The following HCFC1 variants were observed in gnomAD, a reference collection of about 807,000 sequenced individuals.
The protein encoded by HCFC1 is host cell factor C1.
Under a neutral mutation model 105.5 loss-of-function variants are expected in HCFC1, and 7 were observed. The observed-to-expected ratio is 0.07, with a 90% CI of 0.04 to 0.12. The LOEUF (loss-of-function observed/expected upper bound fraction) is 0.12. Among genes scored for constraint, HCFC1 ranks in the 10% least tolerant of loss-of-function variants. HCFC1 has a pLI of 1.00. For missense variants in HCFC1, 1,065 were observed against 1,823.6 expected (o/e 0.58, Z 7.58); for synonymous variants, 918 against 828.1 (o/e 1.11, Z -1.86).
At position 153,954,496 on chromosome X, in the gene HCFC1, G is replaced by A. The variant is rs375212345; in HGVS notation, c.3903C>T (p.Thr1301=). The A allele has an allele frequency of 2.9e-4, 355 of 1,210,474 alleles. 1 individual carries two copies. Among genetic ancestry groups the A allele is most frequent in the Middle Eastern group, 2.3e-3 (10 of 4,375 alleles). The change falls in exon 17 of 26, where the codon ACC becomes ACT. Residue 1301 remains threonine, a synonymous_variant. Transcript: ENST00000310441. ...CATTCGAGGTAGTGGCGGTGTTGGT[G>A]GTGCCTGTCTCGTGGGTCTCACATG... The part of the protein sequence containing the change: ...NPPCETHETG[T]TNTATTSNAG...
At position 153,954,957 on chromosome X, in the gene HCFC1, G is replaced by A. The variant is rs1557114213; in HGVS notation, c.3442C>T (p.Arg1148Trp). 3 of 1,201,260 alleles carry A rather than the reference G, an allele frequency of 2.5e-6. No individual in the cohort carries two copies. Among genetic ancestry groups the A allele is most frequent in the Non-Finnish European group, 3.4e-6 (3 of 891,676 alleles). ...ACAAGTPAVIRISVATGALEA... is the reference protein window; with the variant it reads ...ACAAGTPAVIWISVATGALEA... ...AGCGCCCCAGTGGCCACACTGATCC[G>A]GATCACGGCAGGGGTGCCAGCTGCA... is the stretch of plus-strand genomic sequence containing the variant. The change falls in exon 17 of 26, where the codon CGG becomes TGG. Residue 1148 changes from arginine to tryptophan, a missense_variant. Around this residue, in one of 17 missense-constraint regions of HCFC1, gnomAD observed 546 missense variants for 599.9 expected, o/e 0.91. Transcript: ENST00000310441.
chrX:153,951,333 C>T lies in HCFC1; in HGVS notation c.5517+17G>A. 2 of 1,210,106 alleles carry T rather than the reference C, an allele frequency of 1.7e-6. No homozygotes were observed. Among genetic ancestry groups the T allele is most frequent in the Non-Finnish European group, 1.1e-6 (1 of 894,333 alleles). ...AGACCCACCCACCTGAGGACATCAG[C>T]ACCTGGGGACACTTACGTCTGATGG... On this transcript the variant is annotated intron_variant, in intron 22 of 25. Transcript: ENST00000310441.
rs868948937 is a variant in HCFC1, at chrX:153,959,891, G to A, written c.1355C>T (p.Ala452Val). ...QVGITLLPQA[A>V]PAPPTTTTIQ... ...GGTGGTGGTGGTCGGGGGTGCGGGG[G>A]CAGCCTGGGGCAGGAGCGTGATGCC... Residue 452 changes from alanine (A) to valine (V), a missense_variant, in exon 8 of 26, where the codon GCC becomes GTC. Physicochemically the swap from Ala to Val is moderately conservative, Grantham distance 64. Around this residue, in one of 17 missense-constraint regions of HCFC1, gnomAD observed 101 missense variants for 155.1 expected, o/e 0.65. Transcript: ENST00000310441. 2 of 1,200,506 alleles carry A rather than the reference G, an allele frequency of 1.7e-6. No homozygotes were observed. The highest frequency in any genetic ancestry group is 1.7e-5 in the African/African-American group (1 of 57,631).
At position 153,949,283 on chromosome X, in the gene HCFC1, CCCTGGCGGGT is replaced by C; in HGVS notation, c.*54_*63del. 1.0e-6 allele frequency: 1 copy of C among 985,196 alleles called. No homozygotes were observed. The allele number at this position is 985,196 out of a possible 1,213,427, so 81.2% of individuals were successfully genotyped here. A position where few individuals can be genotyped will look rare whatever the true frequency, so the allele number is the denominator to read the frequency against. ...GCTGGGACGGGGTGGGAGGGGTGGG[CCCTGGCGGGT>C]GTTCCTGAAGCAGGGGGGTCTGGAG... On this transcript the variant is annotated 3_prime_UTR_variant, in exon 26 of 26. Coordinates refer to ENST00000310441, the MANE Select transcript of HCFC1 (RefSeq NM_005334.3).
rs1557114063 is a variant in HCFC1 at position 153,954,762 on chromosome X, G to A, written c.3637C>T (p.Pro1213Ser). Residue 1213 changes from proline (P) to serine (S), a missense_variant, in exon 17 of 26, where the codon CCT (proline) becomes TCT (serine). Pro to Ser is a moderately conservative substitution (Grantham distance 74). This residue lies in a region of HCFC1 where 546 missense variants were observed against 599.9 expected (regional missense o/e 0.91). Coordinates refer to ENST00000310441, the MANE Select transcript of HCFC1 (RefSeq NM_005334.3). ...GRSPAFVQLA[P>S]LSSKVRLSSP... ...CTCAGCCTGACTTTGCTGCTCAGAG[G>A]GGCCAACTGCACAAAAGCAGGGCTG... The A allele has an allele frequency of 8.5e-7, 1 of 1,172,350 alleles. No homozygotes were observed. Among genetic ancestry groups the A allele is most frequent in the African/African-American group, 1.8e-5 (1 of 56,798 alleles).
chrX:153,962,324 G>A lies in HCFC1; in HGVS notation c.713-18C>T, dbSNP rs374291774. 1.6e-5 allele frequency: 18 copies of A among 1,149,629 alleles called. No individual in the cohort carries two copies. Among genetic ancestry groups the A allele is most frequent in the South Asian group, 3.7e-5 (2 of 54,658 alleles). 94.7% of individuals were successfully genotyped at this position (1,149,629 alleles called of 1,213,427 possible). On this transcript the variant is annotated intron_variant, in intron 4 of 25. Coordinates refer to ENST00000310441, the MANE Select transcript of HCFC1 (RefSeq NM_005334.3). ...CAGGGTGTCTGCAGAGAGACGGAGG[G>A]GAAAGGGTTACACAAGGTAGACTGC...
intron 22 of HCFC1, 122 bp downstream of exon 22, chrX:153,951,228 T>A (rs1017871186): frequency 1.2e-6 from 1 of 824,725 alleles, no homozygotes; most frequent in Non-Finnish European, 1.8e-6. Flanking sequence ...TCTGCCCACC[T>A]TCCTCAGGCT....
intron 1 of HCFC1, among the ~76,000 whole-genome samples, chrX:153,965,187 G>A (rs1337065458): frequency 9.0e-6 from 1 of 111,026 alleles, no homozygotes; most frequent in African/African-American, 3.3e-5. Context: ...TGCAGGCTAC[G>A]AAGAGCCATG....
chrX:153,951,768 G>A (rs2065314551), intron 20 of HCFC1, 61 bp from the exon 21 acceptor site: 6 of 1,174,610 alleles, frequency 5.1e-6, no homozygotes, highest in Admixed American at 2.4e-5. Context: ...AAGTGAGACC[G>A]AGCCTCCCGT....
intron 1 of HCFC1, among the ~76,000 whole-genome samples, 163 bp from the exon 2 acceptor site, chrX:153,964,889 C>T (rs2065460849): frequency 8.9e-6 from 1 of 112,144 alleles, no homozygotes; most frequent in African/African-American, 3.2e-5. Context: ...TCTTCCAAAC[C>T]CCTCGACTTC....
At chrX:153,967,440 A>G in intron 1 of HCFC1, among the ~76,000 whole-genome samples, 1 of 112,161 alleles carries the variant, frequency 8.9e-6, no homozygotes, top group South Asian at 3.7e-4. Flanking sequence ...CACCACCTAG[A>G]GACTGGTGCC....
intron 17 of HCFC1, 37 bp from the exon 18 acceptor site, chrX:153,953,807 G>A (rs2065340477): frequency 4.3e-6 from 5 of 1,154,035 alleles, no homozygotes; most frequent in African/African-American, 1.8e-5. Context: ...CTCAGCAGGA[G>A]CCCCCCCGGC....
At chrX:153,966,747 G>T (rs2065477296) in intron 1 of HCFC1, among the ~76,000 whole-genome samples, 1 of 112,440 alleles carries the variant, frequency 8.9e-6, no homozygotes, top group Non-Finnish European at 1.9e-5. Context: ...TGAAGCAACC[G>T]ATCTGTGCCT....
rs1064793145 is a variant in HCFC1, at chrX:153,950,250, C to A, written c.5997G>T (p.Trp1999Cys). Residue 1999 changes from tryptophan (W) to cysteine (C), a missense_variant, in exon 24 of 26, where the codon TGG (tryptophan) becomes TGT (cysteine). Transcript: ENST00000310441. ...KGYGPATQVRWLQETSKDSSG... is the reference protein window; with the variant it reads ...KGYGPATQVRCLQETSKDSSG... ...TCCACGAAGGACACTCACCCTGCAG[C>A]CACCTCACTTGTGTGGCCGGGCCAT... The A allele has an allele frequency of 8.5e-7, 1 of 1,173,700 alleles. No homozygotes were observed. The highest frequency in any genetic ancestry group is 1.1e-6 in the Non-Finnish European group (1 of 873,941).
intron 4 of HCFC1, 136 bp from the exon 5 acceptor site, chrX:153,962,442 C>T: frequency 2.1e-6 from 1 of 474,745 alleles, no homozygotes; most frequent in South Asian, 3.1e-5. Flanking sequence ...TAGCCTACGG[C>T]AGGCCCTCTG....
In HCFC1 at chrX:153,953,814, C is replaced by A. The variant is rs782027006; in HGVS notation, c.4334-44G>T. ...GGCGGCTGCTCAGCAGGAGCCCCCC[C>A]GGCCTGTACTTGGCTTGACCACCAC... On this transcript the variant is annotated intron_variant, in intron 17 of 25. Transcript: ENST00000310441. 1.0e-4 allele frequency: 120 copies of A among 1,151,183 alleles called. No homozygotes were observed. In the South Asian group the frequency reaches 1.5e-3, roughly 14 times the overall value. 94.9% of individuals were successfully genotyped at this position (1,151,183 alleles called of 1,213,427 possible).
At position 153,954,559 on chromosome X, in the gene HCFC1, G is replaced by A; in HGVS notation, c.3840C>T (p.Cys1280=). The A allele has an allele frequency of 8.3e-7, 1 of 1,211,453 alleles. No individual in the cohort carries two copies. The highest frequency in any genetic ancestry group is 1.1e-6 in the Non-Finnish European group (1 of 895,227). Residue 1280 remains cysteine, a synonymous_variant, in exon 17 of 26, where the codon TGC becomes TGT. Coordinates refer to ENST00000310441, the MANE Select transcript of HCFC1 (RefSeq NM_005334.3). ...VTVTALEALL[C]PSATVTQVCS... is the part of the protein sequence containing the mutation. ...AGACTTGGGTCACGGTGGCCGAGGG[G>A]CACAGCAGTGCCTCCAGGGCTGTCA...
rs1569546745 is a variant in HCFC1, at chrX:153,954,862, A to T, written c.3537T>A (p.Thr1179=). 3 of 1,154,556 alleles carry T rather than the reference A, an allele frequency of 2.6e-6. No homozygotes were observed. In the East Asian group the frequency reaches 9.6e-5, roughly 37 times the overall value. Residue 1179 remains threonine, a synonymous_variant, in exon 17 of 26, where the codon ACT becomes ACA. Coordinates refer to ENST00000310441, the MANE Select transcript of HCFC1 (RefSeq NM_005334.3). The part of the protein sequence containing the change: ...RQTSATSTTM[T]VMATGAPCSA... The stretch of plus-strand genomic sequence containing the variant: ...AGCACGGGGCCCCGGTGGCCATCAC[A>T]GTCATGGTGGTGCTGGTCGCGCTGG...
At chrX:153,968,117 C>CT (rs1204199664) in intron 1 of HCFC1, among the ~76,000 whole-genome samples, 1 of 111,496 alleles carries the variant, frequency 9.0e-6, no homozygotes. Flanking sequence ...CTCCAAGAAC[C>CT]TATGGACATT....
Sources: allele counts gnomAD v4.1 joint callset (sites outside exome capture counted in the v4.1 genomes callset), GRCh38; gene constraint gnomAD v4.1.1; regional missense constraint gnomAD v4.1.1; transcripts MANE v1.5; gene names NCBI Gene and HGNC (gene_info 2026-07-23, HGNC 2026-07-21).